ST6GALNAC1: variants seen among roughly 807,000 people sequenced by gnomAD.
ST6GALNAC1 encodes the protein ST6 N-acetylgalactosaminide alpha-2,6-sialyltransferase 1.
In ST6GALNAC1, 45 loss-of-function variants were observed where a neutral mutation model predicts 56.8. That is an observed-to-expected ratio of 0.79 (90% CI 0.62 to 1.02). The LOEUF (loss-of-function observed/expected upper bound fraction) is 1.02. Ranked by LOEUF, ST6GALNAC1 falls within the 50% of genes least tolerant of loss-of-function variation. The pLI, the probability that ST6GALNAC1 is intolerant of heterozygous loss-of-function variation, is 0.00. For synonymous variants in ST6GALNAC1, 295 were observed against 297.8 expected (o/e 0.99, Z 0.10); for missense variants, 743 against 754.8 (o/e 0.98, Z 0.18).
chr17:76,631,267 A>G (rs1271715125), intron 1 of ST6GALNAC1, among the ~76,000 whole-genome samples: 4 of 152,112 alleles, frequency 2.6e-5, no homozygotes, highest in Non-Finnish European at 4.4e-5. Context: ...TTTTAACTGG[A>G]CTTGCATAGA....
At chr17:76,643,410 C>G in intron 1 of ST6GALNAC1, 98 bp downstream of exon 1, 1 of 1,354,424 alleles carries the variant, frequency 7.4e-7, no homozygotes, top group Non-Finnish European at 1.0e-6. Flanking sequence ...CATGTGGACA[C>G]ACAGGTGGCT....
At chr17:76,636,975 C>T (rs1390634594) in intron 1 of ST6GALNAC1, among the ~76,000 whole-genome samples, 1 of 152,124 alleles carries the variant, frequency 6.6e-6, no homozygotes, top group Non-Finnish European at 1.5e-5. Flanking sequence ...TTACCCCCAA[C>T]CCCGTGCTCT....
intron 1 of ST6GALNAC1, among the ~76,000 whole-genome samples, chr17:76,637,272 T>TAAAAAAAAAAAAA (rs771644279): frequency 3.3e-4 from 6 of 18,184 alleles, no homozygotes; most frequent in Non-Finnish European, 5.6e-4. Flanking sequence ...CAATAAATAC[T>TAAAAAAAAAAAAA]AAAAAAAAAA....
intron 1 of ST6GALNAC1, chr17:76,637,640 C>T (rs2075995390): frequency 2.5e-6 from 1 of 398,938 alleles, no homozygotes; most frequent in East Asian, 3.6e-5. Flanking sequence ...GGGGCAGGAA[C>T]AATGGCTGTT....
At chr17:76,636,642 G>A (rs1036791490) in intron 1 of ST6GALNAC1, among the ~76,000 whole-genome samples, 3 of 151,562 alleles carry the variant, frequency 2.0e-5, no homozygotes, top group Middle Eastern at 3.4e-3. Flanking sequence ...CAGCCTCCCC[G>A]TCCGGGAGGT....
At chr17:76,639,248 G>C (rs193054072) in intron 1 of ST6GALNAC1, among the ~76,000 whole-genome samples, 329 of 152,248 alleles carry the variant, frequency 2.2e-3, no homozygotes, top group African/African-American at 7.4e-3. Flanking sequence ...ACTGGGTCCA[G>C]GCCCTGTTCA....
chr17:76,642,994 G>C (rs1167181867), intron 1 of ST6GALNAC1, among the ~76,000 whole-genome samples: 2 of 151,700 alleles, frequency 1.3e-5, no homozygotes, highest in African/African-American at 4.8e-5. Flanking sequence ...AAATGGTCTA[G>C]AAGGTATTTT....
chr17:76,630,462 C>T (rs191682186), intron 1 of ST6GALNAC1, among the ~76,000 whole-genome samples: 16 of 152,196 alleles, frequency 1.1e-4, no homozygotes, highest in African/African-American at 3.6e-4. Context: ...GGGTCTCCAG[C>T]GGGGGCACTC....
rs765376585 is a variant in ST6GALNAC1, at chr17:76,629,174, G to C, written c.669C>G (p.Val223=). 2 of 1,614,172 alleles carry C rather than the reference G, an allele frequency of 1.2e-6. No homozygotes were observed. The highest frequency in any genetic ancestry group is 1.7e-6 in the Non-Finnish European group (2 of 1,180,022). ...RTRQKGVTTA[V]IPPKEKKPQA... ...GAGGTTTCTTCTCCTTAGGTGGGAT[G>C]ACTGCTGTGGTCACTCCTTTCTGTC... Residue 223 remains valine (V), a synonymous_variant, in exon 2 of 9, where the codon GTC becomes GTG. Transcript: ENST00000156626.
At chr17:76,638,642 A>G (rs11658682) in intron 1 of ST6GALNAC1, among the ~76,000 whole-genome samples, 1 of 151,918 alleles carries the variant, frequency 6.6e-6, no homozygotes, top group African/African-American at 2.4e-5. Flanking sequence ...GTACTGTGGC[A>G]TGCTCTCGGC....
chr17:76,632,190 T>A (rs2075912156), intron 1 of ST6GALNAC1, among the ~76,000 whole-genome samples: 1 of 152,184 alleles, frequency 6.6e-6, no homozygotes, highest in Admixed American at 6.5e-5. Flanking sequence ...AAGAAGCCTA[T>A]GGAAACTTCC....
At chr17:76,631,094 T>A (rs565201681) in intron 1 of ST6GALNAC1, among the ~76,000 whole-genome samples, 1 of 134,192 alleles carries the variant, frequency 7.5e-6, no homozygotes, top group South Asian at 2.3e-4. Context: ...TGTGTGTGTG[T>A]GTGCACGCGT....
downstream of ST6GALNAC1, among the ~76,000 whole-genome samples, chr17:76,622,798 C>CT (rs61197441): frequency 5.7e-5 from 8 of 140,668 alleles, no homozygotes; most frequent in South Asian, 2.2e-4. Context: ...CTTGTCATTT[C>CT]TTTTTTTTTT....
chr17:76,637,261 T>A (rs2075988430), intron 1 of ST6GALNAC1, among the ~76,000 whole-genome samples: 3 of 33,332 alleles, frequency 9.0e-5, no homozygotes, highest in South Asian at 1.2e-3. Flanking sequence ...CCAAGAATGA[T>A]CAATAAATAC....
chr17:76,624,424 A>G (rs1435314421), downstream of ST6GALNAC1, among the ~76,000 whole-genome samples: 1 of 151,802 alleles, frequency 6.6e-6, no homozygotes, highest in African/African-American at 2.4e-5. Flanking sequence ...TTACTTTTGT[A>G]TTTTTAGTAG....
intron 1 of ST6GALNAC1, among the ~76,000 whole-genome samples, chr17:76,633,030 A>C (rs1257382015): frequency 6.6e-6 from 1 of 151,406 alleles, no homozygotes; most frequent in African/African-American, 2.4e-5. Context: ...ACATGGCAAA[A>C]CCCCGTCTCT....
intron 1 of ST6GALNAC1, among the ~76,000 whole-genome samples, chr17:76,640,524 CCT>C (rs1160778005): frequency 2.0e-5 from 3 of 152,172 alleles, no homozygotes; most frequent in African/African-American, 4.8e-5. Context: ...TCTCTCCTCC[CCT>C]GTCTTCTTAT....
intron 1 of ST6GALNAC1, among the ~76,000 whole-genome samples, chr17:76,639,362 G>A (rs1290675677): frequency 6.6e-6 from 1 of 152,000 alleles, no homozygotes; most frequent in Non-Finnish European, 1.5e-5. Flanking sequence ...GATCACTTGA[G>A]GCCAGGAGTT....
rs750493272 is a variant in ST6GALNAC1 at position 76,626,750 on chromosome 17, C to G, written c.1212G>C (p.Val404=). 4 of 1,614,144 alleles carry G rather than the reference C, an allele frequency of 2.5e-6. No individual in the cohort carries two copies. The highest frequency in any genetic ancestry group is 2.5e-6 in the Non-Finnish European group (3 of 1,179,976). The change falls in exon 5 of 9, where the codon GTG becomes GTC. Residue 404 remains valine, a synonymous_variant. Transcript: ENST00000156626. ...AGCCGTAGAAGGATGTCCGAGTCCC[C>G]ACATCCTGTTCGTAGCCTTTAATGA... ...GALIKGYEQD[V]GTRTSFYGFT...
Sources: gnomAD v4.1 joint callset for allele counts (sites outside exome capture counted in the v4.1 genomes callset) on GRCh38, gnomAD v4.1.1 for gene constraint, MANE v1.5 for transcripts, NCBI Gene and HGNC (gene_info 2026-07-23, HGNC 2026-07-21) for gene names.